AFG2A: variants seen among roughly 807,000 people sequenced by gnomAD.
The protein encoded by AFG2A is AAA ATPase AFG2A, also known as ATPase family gene 2 protein homolog A.
the AFG2A span, among the ~76,000 whole-genome samples, chr4:122,925,841 G>T: frequency 6.6e-6 from 1 of 152,166 alleles, no homozygotes. Flanking sequence ...GAACAAAAGT[G>T]CCTAGCATAG....
At chr4:123,020,235 A>G in the AFG2A span, among the ~76,000 whole-genome samples, 2 of 152,182 alleles carry the variant, frequency 1.3e-5, no homozygotes, top group Non-Finnish European at 2.9e-5. Context: ...GAGTATGTCA[A>G]ATGATAAAAG....
At chr4:122,936,722 G>C in the AFG2A span, among the ~76,000 whole-genome samples, 1 of 152,210 alleles carries the variant, frequency 6.6e-6, no homozygotes, top group Admixed American at 6.5e-5. Flanking sequence ...GCTCACGCCT[G>C]TAATCCCAGC....
the AFG2A span, chr4:123,028,293 G>C: frequency 6.8e-6 from 11 of 1,614,010 alleles, no homozygotes; most frequent in African/African-American, 1.3e-4. Flanking sequence ...TGGGTATTCA[G>C]CCACCTAAAG....
chr4:123,134,454 C>T, the AFG2A span, among the ~76,000 whole-genome samples: 5 of 152,102 alleles, frequency 3.3e-5, no homozygotes, highest in East Asian at 1.9e-4. Flanking sequence ...CTATTCCATT[C>T]GTTGATGTGT....
At chr4:123,306,164 A>C in the AFG2A span, among the ~76,000 whole-genome samples, 3 of 152,320 alleles carry the variant, frequency 2.0e-5, no homozygotes, top group South Asian at 4.1e-4. Flanking sequence ...TTTGAAACTA[A>C]TTACTATTTT....
At chr4:123,210,487 A>G in the AFG2A span, among the ~76,000 whole-genome samples, 2,111 of 152,270 alleles carry the variant, frequency 0.014, 52 homozygotes, top group African/African-American at 0.048. Context: ...GATGTCCTCC[A>G]GGGTCATCCA....
At chr4:123,310,716 T>C in the AFG2A span, among the ~76,000 whole-genome samples, 1 of 152,236 alleles carries the variant, frequency 6.6e-6, no homozygotes, top group African/African-American at 2.4e-5. Flanking sequence ...TGGATGTTGA[T>C]TGACGAAAGA....
At chr4:123,185,914 A>G in the AFG2A span, among the ~76,000 whole-genome samples, 2 of 152,152 alleles carry the variant, frequency 1.3e-5, no homozygotes, top group East Asian at 1.9e-4. Context: ...AAGAAAGAAA[A>G]TATGCATTGT....
At chr4:122,974,755 C>T in the AFG2A span, among the ~76,000 whole-genome samples, 4 of 152,096 alleles carry the variant, frequency 2.6e-5, no homozygotes, top group Admixed American at 1.3e-4. Context: ...ATTCTCCTGC[C>T]TCAGCCTCCC....
chr4:123,039,018 C>G, the AFG2A span, among the ~76,000 whole-genome samples: 1 of 151,938 alleles, frequency 6.6e-6, no homozygotes, highest in Non-Finnish European at 1.5e-5. Flanking sequence ...TCTATTGATA[C>G]CAAGATATTG....
chr4:122,939,086 T>C, the AFG2A span, among the ~76,000 whole-genome samples: 1 of 123,916 alleles, frequency 8.1e-6, no homozygotes, highest in African/African-American at 3.7e-5. Context: ...TTTTTTTTTT[T>C]TTTTTTTTTT....
At chr4:123,067,102 T>C in the AFG2A span, among the ~76,000 whole-genome samples, 2 of 152,184 alleles carry the variant, frequency 1.3e-5, no homozygotes, top group Non-Finnish European at 2.9e-5. Context: ...AAAGTTTGCT[T>C]ACATTTTACG....
At chr4:123,114,091 G>A in the AFG2A span, among the ~76,000 whole-genome samples, 1 of 151,840 alleles carries the variant, frequency 6.6e-6, no homozygotes, top group South Asian at 2.1e-4. Context: ...CCTGACCTCA[G>A]CAGCTCTCAG....
the AFG2A span, among the ~76,000 whole-genome samples, chr4:122,953,362 T>G: frequency 1.3e-5 from 2 of 152,228 alleles, no homozygotes; most frequent in East Asian, 3.8e-4. Context: ...CATAACCATC[T>G]TTTGCCATTT....
the AFG2A span, chr4:122,936,152 C>A: frequency 6.3e-7 from 1 of 1,598,454 alleles, no homozygotes; most frequent in South Asian, 1.1e-5. Context: ...TGAAGCCACT[C>A]TACGGTACTC....
At chr4:123,140,598 C>G in the AFG2A span, among the ~76,000 whole-genome samples, 1 of 151,494 alleles carries the variant, frequency 6.6e-6, no homozygotes. Context: ...TTATTTAAAA[C>G]TACTTAAGGG....
chr4:123,145,730 T>C, the AFG2A span, among the ~76,000 whole-genome samples: 1 of 152,116 alleles, frequency 6.6e-6, no homozygotes, highest in Non-Finnish European at 1.5e-5. Flanking sequence ...ACTCATTTTA[T>C]AGATTAGGAA....
At chr4:123,066,377 T>TATAAAATTTCATAAAATTTC in the AFG2A span, among the ~76,000 whole-genome samples, 3 of 152,196 alleles carry the variant, frequency 2.0e-5, no homozygotes, top group African/African-American at 7.2e-5. Flanking sequence ...TATGGTGGTT[T>TATAAAATTTCATAAAATTTC]ATAAAATTTC....
chr4:123,105,539 G>A, the AFG2A span, among the ~76,000 whole-genome samples: 1 of 152,142 alleles, frequency 6.6e-6, no homozygotes, highest in Non-Finnish European at 1.5e-5. Context: ...TATGGGCAAA[G>A]TAAACCTCCT....
Sources: allele counts gnomAD v4.1 joint callset (sites outside exome capture counted in the v4.1 genomes callset), GRCh38; gene constraint gnomAD v4.1.1; transcripts MANE v1.5; gene names NCBI Gene and HGNC (gene_info 2026-07-23, HGNC 2026-07-21).